SLC9A9: variants seen among roughly 807,000 people sequenced by gnomAD.
SLC9A9 encodes the protein solute carrier family 9 member A9.
In SLC9A9, 62 loss-of-function variants were observed where a neutral mutation model predicts 77.8. The ratio of observed to expected loss-of-function variants is 0.80; its 90% confidence interval spans 0.65 to 0.98. The LOEUF (loss-of-function observed/expected upper bound fraction) is 0.98. Ranked by LOEUF, SLC9A9 falls within the 50% of genes least tolerant of loss-of-function variation. The probability of loss-of-function intolerance (pLI) is 0.00; values close to 1 mark genes in which losing one functional copy is unlikely to be tolerated. For missense variants in SLC9A9, 775 were observed against 774.9 expected (o/e 1.00, Z 0.00); for synonymous variants, 320 against 283.5 (o/e 1.13, Z -1.29).
At chr3:143,749,267 C>G (rs1251790435) in intron 4 of SLC9A9, among the ~76,000 whole-genome samples, 2 of 152,280 alleles carry the variant, frequency 1.3e-5, no homozygotes, top group East Asian at 3.9e-4. Context: ...CTTTATCATA[C>G]ATGATCTAGA....
At chr3:143,287,963 T>C (rs1051343615) in intron 14 of SLC9A9, among the ~76,000 whole-genome samples, 1 of 152,184 alleles carries the variant, frequency 6.6e-6, no homozygotes, top group Non-Finnish European at 1.5e-5. Context: ...AAAAAAAGTC[T>C]TCCTGGAAAA....
intron 2 of SLC9A9, among the ~76,000 whole-genome samples, chr3:143,820,311 C>A (rs1396261931): frequency 6.6e-6 from 1 of 152,180 alleles, no homozygotes; most frequent in Non-Finnish European, 1.5e-5. Flanking sequence ...TCATTGAATG[C>A]AAATACATCA....
chr3:143,518,209 G>C (rs2036235626), intron 9 of SLC9A9: 1 of 1,598,268 alleles, frequency 6.3e-7, no homozygotes, highest in African/African-American at 1.3e-5. Context: ...CCCGAAGCTT[G>C]TTCACTTTGC....
intron 14 of SLC9A9, among the ~76,000 whole-genome samples, chr3:143,330,771 T>C (rs552468256): frequency 7.5e-4 from 115 of 152,362 alleles, no homozygotes; most frequent in African/African-American, 2.6e-3. Flanking sequence ...CCTGATATAT[T>C]ATCATTTGAG....
chr3:143,364,059 A>G (rs570792993), intron 13 of SLC9A9, among the ~76,000 whole-genome samples: 1 of 152,258 alleles, frequency 6.6e-6, no homozygotes, highest in African/African-American at 2.4e-5. Flanking sequence ...GAGTTTTGAA[A>G]TAGATATTCC....
chr3:143,810,638 C>T (rs1260308361), intron 2 of SLC9A9, among the ~76,000 whole-genome samples: 1 of 152,174 alleles, frequency 6.6e-6, no homozygotes, highest in African/African-American at 2.4e-5. Context: ...ATGAGGCTAA[C>T]ATAACCATTT....
rs191928171 is a variant in SLC9A9, at chr3:143,431,973, G to A, written c.1469+35064C>T. 8.3e-4 allele frequency among the ~76,000 whole-genome samples: 127 copies of A among 152,266 alleles called. 2 individuals are homozygous for A. The highest frequency in any genetic ancestry group is 3.0e-3 in the African/African-American group (126 of 41,558). On this transcript the variant is annotated intron_variant, in intron 12 of 15. Transcript: ENST00000316549. Reference sequence around the variant, plus strand: ...TTTACTCAAGAGATAACTTCTCAGTGAGGCCTACTTGGACTACCTAATTCA... The same window carrying A: ...TTTACTCAAGAGATAACTTCTCAGTAAGGCCTACTTGGACTACCTAATTCA...
chr3:143,607,474 G>C (rs1030333030), intron 6 of SLC9A9, among the ~76,000 whole-genome samples: 8 of 152,056 alleles, frequency 5.3e-5, no homozygotes, highest in African/African-American at 1.7e-4. Context: ...CTAGCAAATT[G>C]ATAGCATAAA....
chr3:143,412,740 C>T (rs2034118897), intron 12 of SLC9A9, among the ~76,000 whole-genome samples: 2 of 152,202 alleles, frequency 1.3e-5, no homozygotes, highest in South Asian at 2.1e-4. Flanking sequence ...ACATAATCTG[C>T]CTTTTCTTAG....
At chr3:143,703,313 T>C (rs1430850660) in intron 4 of SLC9A9, among the ~76,000 whole-genome samples, 1 of 152,108 alleles carries the variant, frequency 6.6e-6, no homozygotes, top group South Asian at 2.1e-4. Flanking sequence ...GGACATATGT[T>C]AGATCACAAA....
rs889965156 is a variant in SLC9A9 at position 143,737,497 on chromosome 3, A to C, written c.534-44190T>G. On this transcript the variant is annotated intron_variant, in intron 4 of 15. Coordinates refer to ENST00000316549, the MANE Select transcript of SLC9A9 (RefSeq NM_173653.4). ...AGTTAAAAAAAAAACCAAAAAAAAAACCCACAAAACTCTCACGAATGGCAG... is the reference window on the plus strand; with the variant it reads ...AGTTAAAAAAAAAACCAAAAAAAAACCCCACAAAACTCTCACGAATGGCAG... 1.7e-4 allele frequency among the ~76,000 whole-genome samples: 26 copies of C among 151,136 alleles called. No homozygotes were observed. In the East Asian group the frequency reaches 1.9e-3, roughly 11 times the overall value.
At chr3:143,591,088 C>A (rs1343991805) in intron 6 of SLC9A9, among the ~76,000 whole-genome samples, 1 of 152,144 alleles carries the variant, frequency 6.6e-6, no homozygotes, top group Non-Finnish European at 1.5e-5. Flanking sequence ...CTGCCTGAGA[C>A]GGCCTGAGGG....
chr3:143,406,830 G>A (rs1355572884), intron 12 of SLC9A9, among the ~76,000 whole-genome samples: 1 of 152,012 alleles, frequency 6.6e-6, no homozygotes, highest in Middle Eastern at 3.4e-3. Context: ...ACAAAAGTTA[G>A]CCAGGCATGG....
chr3:143,422,289 A>G (rs1237175232), intron 12 of SLC9A9, among the ~76,000 whole-genome samples: 3 of 152,228 alleles, frequency 2.0e-5, no homozygotes, highest in Non-Finnish European at 2.9e-5. Context: ...CCAAAAAGAC[A>G]CATTCACTTT....
intron 14 of SLC9A9, among the ~76,000 whole-genome samples, chr3:143,273,581 C>T (rs1230682295): frequency 6.6e-6 from 1 of 152,098 alleles, no homozygotes; most frequent in Non-Finnish European, 1.5e-5. Context: ...TTTAAACCAC[C>T]CAAGCTATGG....
At chr3:143,617,320 T>G (rs2038122557) in intron 6 of SLC9A9, among the ~76,000 whole-genome samples, 1 of 152,240 alleles carries the variant, frequency 6.6e-6, no homozygotes, top group South Asian at 2.1e-4. Flanking sequence ...ATGGCTGCTT[T>G]TGCACTACAA....
chr3:143,690,633 A>G (rs1270169205), intron 5 of SLC9A9, among the ~76,000 whole-genome samples: 2 of 152,222 alleles, frequency 1.3e-5, no homozygotes, highest in Non-Finnish European at 2.9e-5. Context: ...CCTTTTGATC[A>G]TGAAAAAATA....
In SLC9A9 at chr3:143,714,703, A is replaced by G. The variant is rs78583382; in HGVS notation, c.534-21396T>C. 8.3e-3 allele frequency among the ~76,000 whole-genome samples: 1,266 copies of G among 152,290 alleles called. 18 individuals are homozygous for G. The highest frequency in any genetic ancestry group is 0.029 in the African/African-American group (1,219 of 41,558). On this transcript the variant is annotated intron_variant, in intron 4 of 15. Transcript: ENST00000316549. ...CCTTTCCACCAAAGCATGTGCCCCA[A>G]GAGGCTGATCTATATGGGCTCCATC... is the stretch of plus-strand genomic sequence containing the variant.
intron 9 of SLC9A9, among the ~76,000 whole-genome samples, chr3:143,544,667 C>G (rs1314228341): frequency 1.3e-5 from 2 of 152,102 alleles, no homozygotes; most frequent in African/African-American, 4.8e-5. Flanking sequence ...AGCTCTTCGG[C>G]TTAATTAGGT....
Sources: allele counts gnomAD v4.1 joint callset (sites outside exome capture counted in the v4.1 genomes callset), GRCh38; gene constraint gnomAD v4.1.1; transcripts MANE v1.5; gene names NCBI Gene and HGNC (gene_info 2026-07-23, HGNC 2026-07-21).